The following CDKAL1 variants were observed in gnomAD, a reference collection of about 807,000 sequenced individuals.
The protein encoded by CDKAL1 is threonylcarbamoyladenosine tRNA methylthiotransferase.
CDKAL1 carries 32 observed loss-of-function variants against 68.2 expected under a neutral mutation model. The ratio of observed to expected loss-of-function variants is 0.47; its 90% CI spans 0.35 to 0.63. The LOEUF is 0.63. CDKAL1 is among the 30% of genes least tolerant of loss of function. The probability of loss-of-function intolerance (pLI) is 0.00; values close to 1 mark genes in which losing one functional copy is unlikely to be tolerated. For missense variants in CDKAL1, 606 were observed against 696.7 expected (o/e 0.87, Z 1.47); for synonymous variants, 234 against 244.3 (o/e 0.96, Z 0.39).
chr6:20,778,005 G>T (rs1388662723), intron 7 of CDKAL1, among the ~76,000 whole-genome samples: 3 of 152,164 alleles, frequency 2.0e-5, no homozygotes, highest in South Asian at 2.1e-4. Context: ...TGGTGCTACT[G>T]TATATAACTG....
rs950075724 is a variant in CDKAL1 at position 21,173,926 on chromosome 6, G to A, written c.1300-24095G>A. Among the ~76,000 whole-genome samples the A allele has an allele frequency of 1.1e-4, 17 of 152,194 alleles. 1 individual carries two copies. The East Asian group carries it at 3.3e-3, about 29-fold the overall frequency. On this transcript the variant is annotated intron_variant, in intron 13 of 15. Transcript: ENST00000274695. ...CTCTGTGAAAAAGATTTAAAAATTA[G>A]CAAGGTGTGGTGGCACTCAACTGTA...
At chr6:20,791,585 G>T (rs116452464) in intron 8 of CDKAL1, among the ~76,000 whole-genome samples, 1 of 152,166 alleles carries the variant, frequency 6.6e-6, no homozygotes. Context: ...GAAACATGCC[G>T]TACGCAGCAG....
chr6:20,972,533 A>G (rs58708270), intron 10 of CDKAL1, among the ~76,000 whole-genome samples: 2,928 of 152,304 alleles, frequency 0.019, 93 homozygotes, highest in African/African-American at 0.066. Flanking sequence ...AGCAGGATAA[A>G]CAACTTATTT....
rs1581722117 is a variant in CDKAL1, at chr6:20,863,586, T to C, written c.742+17408T>C. 2.0e-5 allele frequency among the ~76,000 whole-genome samples: 3 copies of C among 152,344 alleles called. No individual in the cohort carries two copies. In the South Asian group the frequency reaches 6.2e-4, roughly 32 times the overall value. ...ACATTCTCAGAATGAGCACTGTAAA[T>C]GTCTGGATGCTGGATTTTGAAGGAA... On this transcript the variant is annotated intron_variant, in intron 9 of 15. Coordinates refer to ENST00000274695, the MANE Select transcript of CDKAL1 (RefSeq NM_017774.3).
chr6:21,174,839 T>A (rs1777519115), intron 13 of CDKAL1, among the ~76,000 whole-genome samples: 1 of 152,118 alleles, frequency 6.6e-6, no homozygotes, highest in South Asian at 2.1e-4. Context: ...AGATATGCGT[T>A]ATTGTTGGTA....
chr6:20,769,490 C>T (rs1305616225), intron 7 of CDKAL1, among the ~76,000 whole-genome samples: 1 of 152,010 alleles, frequency 6.6e-6, no homozygotes, highest in Non-Finnish European at 1.5e-5. Flanking sequence ...AACTCCTTGC[C>T]TCATGTGATC....
rs548832290 is a variant in CDKAL1, at chr6:21,195,450, A to G, written c.1300-2571A>G. 3.9e-5 allele frequency among the ~76,000 whole-genome samples: 6 copies of G among 151,966 alleles called. No individual in the cohort carries two copies. In the South Asian group the frequency reaches 1.2e-3, roughly 32 times the overall value. On this transcript the variant is annotated intron_variant, in intron 13 of 15. Transcript: ENST00000274695. ...GGTGCTGGGATTACAGGCATGAGCC[A>G]TCGTGCCTGGCCTCTGGAGATGTTT... is the stretch of plus-strand genomic sequence containing the variant.
intron 9 of CDKAL1, among the ~76,000 whole-genome samples, chr6:20,879,916 G>A (rs1339427656): frequency 6.6e-6 from 1 of 152,118 alleles, no homozygotes; most frequent in Non-Finnish European, 1.5e-5. Flanking sequence ...TTTAAACTAT[G>A]GTATGAATTT....
chr6:20,657,561 C>A (rs1326132659), intron 5 of CDKAL1, among the ~76,000 whole-genome samples: 2 of 152,108 alleles, frequency 1.3e-5, no homozygotes, highest in East Asian at 3.8e-4. Flanking sequence ...CAAAAGATCA[C>A]CTTGTTTTGA....
chr6:21,110,038 CAT>C (rs1470099370), intron 13 of CDKAL1, among the ~76,000 whole-genome samples: 1 of 152,208 alleles, frequency 6.6e-6, no homozygotes, highest in Non-Finnish European at 1.5e-5. Context: ...GGCTTCCCTT[CAT>C]TCCTCTACAA....
chr6:20,909,046 A>G (rs955611882), intron 9 of CDKAL1, among the ~76,000 whole-genome samples: 2 of 152,208 alleles, frequency 1.3e-5, no homozygotes, highest in Non-Finnish European at 1.5e-5. Flanking sequence ...ATCCTTTTCT[A>G]ATAAACTATA....
At chr6:21,208,948 T>C (rs1310811691) in intron 15 of CDKAL1, among the ~76,000 whole-genome samples, 2 of 152,214 alleles carry the variant, frequency 1.3e-5, no homozygotes, top group Non-Finnish European at 2.9e-5. Context: ...TGCTAAACAA[T>C]TAGCTTTCAT....
intron 8 of CDKAL1, among the ~76,000 whole-genome samples, chr6:20,840,230 A>G (rs2150482996): frequency 6.6e-6 from 1 of 152,278 alleles, no homozygotes; most frequent in East Asian, 1.9e-4. Flanking sequence ...TGCATAACTG[A>G]GTTTCTGGCA....
intron 8 of CDKAL1, among the ~76,000 whole-genome samples, chr6:20,796,788 A>G (rs1776127919): frequency 6.6e-6 from 1 of 152,230 alleles, no homozygotes; most frequent in African/African-American, 2.4e-5. Context: ...TCCATATGGA[A>G]AAAGAACAAA....
chr6:20,650,737 A>G (rs556047492), intron 5 of CDKAL1, among the ~76,000 whole-genome samples: 40 of 152,208 alleles, frequency 2.6e-4, no homozygotes, highest in African/African-American at 9.4e-4. Context: ...TGTATAAGGT[A>G]TAAGGAAGGG....
At chr6:21,193,036 C>G (rs1778323636) in intron 13 of CDKAL1, among the ~76,000 whole-genome samples, 2 of 151,964 alleles carry the variant, frequency 1.3e-5, no homozygotes, top group Admixed American at 1.3e-4. Context: ...CCAGGCTAGT[C>G]TCTAACTCCT....
chr6:21,013,875 T>C (rs908330465), intron 11 of CDKAL1, among the ~76,000 whole-genome samples: 2 of 152,298 alleles, frequency 1.3e-5, no homozygotes, highest in East Asian at 1.9e-4. Context: ...GATAGATAGA[T>C]ATCACTTTCT....
rs139238808 is a variant in CDKAL1 at position 20,584,405 on chromosome 6, T to A, written c.286+35700T>A. On this transcript the variant is annotated intron_variant, in intron 4 of 15. Transcript: ENST00000274695. ...AGAGGTGAGTTAAAATAGGAGTGAG[T>A]AGTCACCATTTTGGGATATTAGACA... Among the ~76,000 whole-genome samples, 14 of 151,994 alleles carry A rather than the reference T, an allele frequency of 9.2e-5. No homozygotes were observed. The East Asian group carries it at 2.5e-3, about 27-fold the overall frequency.
chr6:20,910,521 G>A (rs886631352), intron 9 of CDKAL1, among the ~76,000 whole-genome samples: 8 of 152,150 alleles, frequency 5.3e-5, no homozygotes, highest in African/African-American at 1.9e-4. Flanking sequence ...TTTGTTACCT[G>A]GGGCCAGATA....
Sources: gnomAD v4.1 joint callset for allele counts (sites outside exome capture counted in the v4.1 genomes callset) on GRCh38, gnomAD v4.1.1 for gene constraint, MANE v1.5 for transcripts, NCBI Gene and HGNC (gene_info 2026-07-23, HGNC 2026-07-21) for gene names.